The following COG4 variants were observed in gnomAD, a reference collection of about 807,000 sequenced individuals.
COG4 encodes the protein conserved oligomeric Golgi complex subunit 4.
A neutral mutation model predicts 95.1 loss-of-function variants in COG4; 65 were observed. The ratio of observed to expected loss-of-function variants is 0.68; its 90% confidence interval spans 0.56 to 0.84. The LOEUF (loss-of-function observed/expected upper bound fraction) is 0.84, where lower values mean the gene tolerates loss of function less well. COG4 is among the 40% of genes least tolerant of loss of function. The pLI, the probability that COG4 is intolerant of heterozygous loss-of-function variation, is 0.00. For synonymous variants in COG4, 421 were observed against 374.8 expected, an observed-to-expected ratio of 1.12 and a Z score of -1.42; for missense variants, 1,045 against 989.1, an observed-to-expected ratio of 1.06 and a Z score of -0.76.
intron 13 of COG4, among the ~76,000 whole-genome samples, chr16:70,484,663 G>T (rs1013237200): frequency 1.3e-5 from 2 of 152,312 alleles, no homozygotes; most frequent in Non-Finnish European, 2.9e-5. Context: ...CACTTTGGGA[G>T]GCCAAGGTGC....
chr16:70,509,326 G>C lies in COG4; in HGVS notation c.907C>G (p.Leu303Val). 11 of 1,614,116 alleles carry C rather than the reference G, an allele frequency of 6.8e-6. No individual in the cohort carries two copies. Among genetic ancestry groups the C allele is most frequent in the Non-Finnish European group, 8.5e-6 (10 of 1,180,010 alleles). ...TGCAGATATTTGATCAGGGTATAGA[G>C]TCTCCCTGGCCCATAATAGGTCTCC... ...IVETYYGPGR[L>V]YTLIKYLQVE... The change falls in exon 7 of 19, where the codon CTC (leucine) becomes GTC (valine). Residue 303 changes from leucine to valine, a missense_variant. Transcript: ENST00000323786.
At chr16:70,508,067 C>T (rs1281127377) in intron 8 of COG4, among the ~76,000 whole-genome samples, 4 of 151,556 alleles carry the variant, frequency 2.6e-5, no homozygotes, top group South Asian at 4.2e-4. Context: ...ACTACAGGCA[C>T]GCACCACCAT....
chr16:70,521,517 C>T (rs745833695), intron 1 of COG4, among the ~76,000 whole-genome samples: 20 of 151,964 alleles, frequency 1.3e-4, no homozygotes, highest in Non-Finnish European at 2.1e-4. Context: ...ACACCAAGCC[C>T]GGCCATATAC....
chr16:70,513,551 G>A (rs1417709609), intron 4 of COG4, among the ~76,000 whole-genome samples: 1 of 152,110 alleles, frequency 6.6e-6, no homozygotes, highest in African/African-American at 2.4e-5. Flanking sequence ...TTGTAAATTA[G>A]ACATAGTAAG....
chr16:70,510,925 G>A (rs1320816699), intron 5 of COG4, among the ~76,000 whole-genome samples: 5 of 152,044 alleles, frequency 3.3e-5, no homozygotes, highest in Admixed American at 1.3e-4. Flanking sequence ...CAACATGCCC[G>A]GCTAATTTTT....
intron 8 of COG4, among the ~76,000 whole-genome samples, chr16:70,507,637 G>C (rs1226584651): frequency 1.3e-5 from 2 of 151,992 alleles, no homozygotes; most frequent in East Asian, 1.9e-4. Flanking sequence ...GAGGTGGGCG[G>C]ATCACTTAAG....
At chr16:70,499,378 T>C (rs2049402681) in intron 9 of COG4, among the ~76,000 whole-genome samples, 2 of 152,204 alleles carry the variant, frequency 1.3e-5, no homozygotes, top group South Asian at 4.1e-4. Context: ...ATCACTGACA[T>C]TGACAAGCGA....
At chr16:70,487,034 T>G (rs1297085843) in intron 13 of COG4, among the ~76,000 whole-genome samples, 2 of 149,592 alleles carry the variant, frequency 1.3e-5, no homozygotes, top group Non-Finnish European at 3.0e-5. Flanking sequence ...CTCACACCTG[T>G]AATCCCAGCA....
At chr16:70,504,912 A>C (rs1024063434) in intron 8 of COG4, among the ~76,000 whole-genome samples, 4 of 151,826 alleles carry the variant, frequency 2.6e-5, no homozygotes, top group Non-Finnish European at 5.9e-5. Flanking sequence ...CTGTCTCAAA[A>C]AAAAAAAAAA....
chr16:70,510,858 G>T (rs1049471183), intron 5 of COG4, among the ~76,000 whole-genome samples: 1 of 150,656 alleles, frequency 6.6e-6, no homozygotes, highest in African/African-American at 2.4e-5. Context: ...CTGCCTCCCC[G>T]GCTCAAGCGA....
chr16:70,519,187 C>T (rs186953272), intron 2 of COG4, among the ~76,000 whole-genome samples: 4,111 of 37,082 alleles, frequency 0.11, 1,161 homozygotes, highest in African/African-American at 0.28. Flanking sequence ...ACTGCAGTGG[C>T]GCAATCTCGG....
chr16:70,494,957 T>C (rs1179631975), intron 12 of COG4, among the ~76,000 whole-genome samples: 1 of 152,158 alleles, frequency 6.6e-6, no homozygotes, highest in Admixed American at 6.5e-5. Flanking sequence ...TGGGGCTGCC[T>C]AAACAGCTTT....
chr16:70,480,789 G>C lies in COG4; in HGVS notation c.*221C>G, dbSNP rs1425368683. On this transcript the variant is annotated 3_prime_UTR_variant, in exon 19 of 19. Transcript: ENST00000323786. Reference sequence around the variant, plus strand: ...GGCTTTCCCACCTCATTAGGAGCCCGCTTCTCTCGGTGGGGAGATGCTGCC... The same window carrying C: ...GGCTTTCCCACCTCATTAGGAGCCCCCTTCTCTCGGTGGGGAGATGCTGCC... The C allele has an allele frequency of 1.7e-6, 1 of 583,036 alleles. No individual in the cohort carries two copies. Among genetic ancestry groups the C allele is most frequent in the South Asian group, 2.0e-5 (1 of 50,304 alleles). The allele number at this position is 583,036 out of a possible 1,614,324, so 36.1% of individuals were successfully genotyped here.
At chr16:70,492,765 C>G (rs1597663956) in intron 12 of COG4, among the ~76,000 whole-genome samples, 1 of 151,660 alleles carries the variant, frequency 6.6e-6, no homozygotes, top group South Asian at 2.1e-4. Flanking sequence ...GAGTTCGAGA[C>G]CATCCTGGCC....
chr16:70,491,390 G>C lies in COG4; in HGVS notation c.1648-998C>G, dbSNP rs190664912. Among the ~76,000 whole-genome samples, 229 of 151,876 alleles carry C rather than the reference G, an allele frequency of 1.5e-3. 1 individual carries two copies. Among genetic ancestry groups the C allele is most frequent in the Non-Finnish European group, 1.9e-3 (128 of 67,952 alleles). On this transcript the variant is annotated intron_variant, in intron 12 of 18. Transcript: ENST00000323786. The stretch of plus-strand genomic sequence containing the variant: ...AAAAAAATTAGCCAGGCGTGGTGGT[G>C]CACATCTGTAGACCCAGCTACCAGG...
chr16:70,512,144 G>A (rs1385522251), intron 5 of COG4, 95 bp downstream of exon 5: 3 of 1,171,160 alleles, frequency 2.6e-6, no homozygotes, highest in South Asian at 2.5e-5. Flanking sequence ...ATATCCAGAA[G>A]AGAGAAAGTA....
chr16:70,496,047 C>T (rs1004759444), intron 12 of COG4, among the ~76,000 whole-genome samples: 1 of 152,164 alleles, frequency 6.6e-6, no homozygotes, highest in Non-Finnish European at 1.5e-5. Context: ...GCTGGACAGC[C>T]CAGCCTCTAT....
chr16:70,484,805 G>A (rs187684081), intron 13 of COG4, among the ~76,000 whole-genome samples: 15 of 152,208 alleles, frequency 9.9e-5, no homozygotes, highest in Non-Finnish European at 1.3e-4. Flanking sequence ...AGGCTGAGGC[G>A]AGAGGATCCC....
chr16:70,497,437 G>A (rs1415425002), intron 10 of COG4, 50 bp from the exon 11 acceptor site: 1 of 1,573,960 alleles, frequency 6.4e-7, no homozygotes, highest in African/African-American at 1.3e-5. Flanking sequence ...TGCATGTCAT[G>A]TTCTAGATGA....
Sources: gnomAD v4.1 joint callset for allele counts (sites outside exome capture counted in the v4.1 genomes callset) on GRCh38, gnomAD v4.1.1 for gene constraint, MANE v1.5 for transcripts, NCBI Gene and HGNC (gene_info 2026-07-23, HGNC 2026-07-21) for gene names.